Variants in PRSS55 observed in about 807,000 individuals in gnomAD.
The protein encoded by PRSS55 is serine protease 55, also known as probable serine protease UNQ9391/PRO34284.
In PRSS55, 41 loss-of-function variants were observed where a neutral mutation model predicts 23.6. The observed-to-expected ratio is 1.74, with a 90% CI of 1.35 to 2.26. The LOEUF (loss-of-function observed/expected upper bound fraction) is 2.26. Ranked by LOEUF, PRSS55 falls within the 30% of genes most tolerant of loss-of-function variation. The pLI, the probability that PRSS55 is intolerant of heterozygous loss-of-function variation, is 0.00. For missense variants in PRSS55, 669 were observed against 439.1 expected (o/e 1.52, Z -4.68); for synonymous variants, 262 against 175.5 (o/e 1.49, Z -3.90).
chr8:10,529,666 C>G lies in PRSS55; in HGVS notation c.314C>G (p.Thr105Ser), dbSNP rs1443405083. ...ATCCTCAACAAGTGGTGGATTCTCA[C>G]TGCGGCTCACTGCTTATATTCCGAG... Reference protein sequence around the residue: ...GSILNKWWILTAAHCLYSEEL... With the variant: ...GSILNKWWILSAAHCLYSEEL... The change falls in exon 2 of 5, where the codon ACT becomes AGT. Residue 105 changes from threonine (T) to serine (S), a missense_variant. By Grantham distance (58) the Thr-to-Ser change is moderately conservative. Coordinates refer to ENST00000328655, the MANE Select transcript of PRSS55 (RefSeq NM_198464.4). 2.5e-6 allele frequency: 4 copies of G among 1,614,190 alleles called. No homozygotes were observed. Among genetic ancestry groups the G allele is most frequent in the Non-Finnish European group, 3.4e-6 (4 of 1,180,014 alleles).
intron 1 of PRSS55, among the ~76,000 whole-genome samples, chr8:10,526,621 A>G (rs1279037678): frequency 6.6e-6 from 1 of 152,252 alleles, no homozygotes; most frequent in Non-Finnish European, 1.5e-5. Context: ...CAGCTCTGGC[A>G]TGAACCTGAA....
At chr8:10,547,268 G>T (rs1812841067) in intron 4 of PRSS55, among the ~76,000 whole-genome samples, 1 of 152,170 alleles carries the variant, frequency 6.6e-6, no homozygotes, top group Non-Finnish European at 1.5e-5. Flanking sequence ...GGTGGCCTCT[G>T]ACACAGGGGC....
At chr8:10,527,468 C>T (rs981870418) in intron 1 of PRSS55, among the ~76,000 whole-genome samples, 2 of 152,208 alleles carry the variant, frequency 1.3e-5, no homozygotes, top group South Asian at 2.1e-4. Flanking sequence ...GTTGATGTAA[C>T]GAGGATGCAA....
intron 4 of PRSS55, among the ~76,000 whole-genome samples, chr8:10,534,389 G>C (rs1812383616): frequency 6.6e-6 from 1 of 152,144 alleles, no homozygotes; most frequent in African/African-American, 2.4e-5. Flanking sequence ...ATTAGAGTTT[G>C]TTATAATACT....
intron 4 of PRSS55, among the ~76,000 whole-genome samples, chr8:10,548,649 C>A (rs1318472384): frequency 1.3e-5 from 2 of 152,128 alleles, no homozygotes; most frequent in East Asian, 1.9e-4. Context: ...AAGTCTCCTG[C>A]GGAAGCAGAC....
intron 4 of PRSS55, among the ~76,000 whole-genome samples, chr8:10,536,031 A>C (rs1181188383): frequency 6.6e-6 from 1 of 152,120 alleles, no homozygotes; most frequent in East Asian, 1.9e-4. Context: ...CTGAAAATAC[A>C]AAAAATTAGC....
downstream of PRSS55, among the ~76,000 whole-genome samples, chr8:10,543,692 G>A (rs985704112): frequency 2.8e-5 from 4 of 143,256 alleles, no homozygotes; most frequent in Non-Finnish European, 6.1e-5. Context: ...TTCCATCTCA[G>A]TGCTGCTTTA....
chr8:10,545,797 T>G (rs1044350360), intron 4 of PRSS55, among the ~76,000 whole-genome samples: 9 of 152,250 alleles, frequency 5.9e-5, no homozygotes, highest in African/African-American at 2.2e-4. Flanking sequence ...TAGCCCAGAA[T>G]AGCTTAATTG....
chr8:10,553,013 A>T (rs927531645), intron 4 of PRSS55, among the ~76,000 whole-genome samples: 1 of 152,224 alleles, frequency 6.6e-6, no homozygotes, highest in Non-Finnish European at 1.5e-5. Context: ...GATGTGGTTT[A>T]GTTCTGTGTC....
At chr8:10,544,470 CTCTG>C (rs796878460) in intron 4 of PRSS55, among the ~76,000 whole-genome samples, 141 of 152,252 alleles carry the variant, frequency 9.3e-4, no homozygotes, top group African/African-American at 2.6e-3. Context: ...GTCTGACAAT[CTCTG>C]TCTTTTAATT....
At chr8:10,528,233 C>G (rs957610189) in intron 1 of PRSS55, among the ~76,000 whole-genome samples, 1 of 151,054 alleles carries the variant, frequency 6.6e-6, no homozygotes, top group Admixed American at 6.6e-5. Context: ...CCGAAGAGAG[C>G]CTTTATGCAT....
chr8:10,533,106 T>C, intron 4 of PRSS55, 58 bp downstream of exon 4: 4 of 1,560,580 alleles, frequency 2.6e-6, no homozygotes, highest in Non-Finnish European at 3.5e-6. Context: ...GAACTGCCAG[T>C]GCAAGGGTAT....
intron 4 of PRSS55, among the ~76,000 whole-genome samples, chr8:10,534,237 T>C (rs1812377126): frequency 6.6e-6 from 1 of 152,166 alleles, no homozygotes; most frequent in Non-Finnish European, 1.5e-5. Flanking sequence ...AAGCACGGGA[T>C]AGTATCTTGT....
intron 2 of PRSS55, 102 bp from the exon 3 acceptor site, chr8:10,531,193 C>T (rs971556151): frequency 7.0e-7 from 1 of 1,433,916 alleles, no homozygotes; most frequent in East Asian, 2.3e-5. Flanking sequence ...TTTAAAGGTC[C>T]TAGAGCTACA....
chr8:10,544,022 G>A (rs867883317), intron 4 of PRSS55, among the ~76,000 whole-genome samples: 2 of 152,174 alleles, frequency 1.3e-5, no homozygotes, highest in Non-Finnish European at 2.9e-5. Flanking sequence ...GTGTTCTATA[G>A]ATGTTTATTA....
chr8:10,538,331 C>T (rs760915402), intron 4 of PRSS55, 145 bp from the exon 5 acceptor site: 1 of 656,426 alleles, frequency 1.5e-6, no homozygotes, highest in Admixed American at 2.9e-5. Context: ...CTGGCAGCCA[C>T]ATGCTTCTCC....
At chr8:10,535,140 C>A (rs1228603265) in intron 4 of PRSS55, among the ~76,000 whole-genome samples, 1 of 152,148 alleles carries the variant, frequency 6.6e-6, no homozygotes, top group Non-Finnish European at 1.5e-5. Flanking sequence ...GGCCATACTA[C>A]CCAAAACAAT....
chr8:10,553,028 C>T (rs886608518), intron 4 of PRSS55, among the ~76,000 whole-genome samples: 5 of 152,244 alleles, frequency 3.3e-5, no homozygotes, highest in African/African-American at 1.2e-4. Flanking sequence ...TGTGTCCCCA[C>T]CCAAATCTCA....
At chr8:10,548,471 G>A (rs114278373) in intron 4 of PRSS55, among the ~76,000 whole-genome samples, 2,383 of 152,274 alleles carry the variant, frequency 0.016, 74 homozygotes, top group African/African-American at 0.054. Flanking sequence ...CTGGGCCCAG[G>A]CATTGCATCC....
Sources: allele counts gnomAD v4.1 joint callset (sites outside exome capture counted in the v4.1 genomes callset), GRCh38; gene constraint gnomAD v4.1.1; transcripts MANE v1.5; gene names NCBI Gene and HGNC (gene_info 2026-07-23, HGNC 2026-07-21).